The following DYNLT2B variants were observed in gnomAD, a reference collection of about 807,000 sequenced individuals.
DYNLT2B encodes the protein dynein light chain Tctex-type 2B.
Under a neutral mutation model 19.5 loss-of-function variants are expected in DYNLT2B, and 14 were observed. That is an observed-to-expected ratio of 0.72 (90% confidence interval 0.47 to 1.12). The LOEUF (loss-of-function observed/expected upper bound fraction) is 1.12, where lower values mean the gene tolerates loss of function less well. Ranked by LOEUF, DYNLT2B falls within the 50% of genes most tolerant of loss-of-function variation. The pLI is 0.00. For synonymous variants in DYNLT2B, 70 were observed against 59.7 expected, an observed-to-expected ratio of 1.17 and a Z score of -0.79; for missense variants, 133 against 174.7, an observed-to-expected ratio of 0.76 and a Z score of 1.35.
chr3:196,313,396 A>G (rs930102165), intron 2 of DYNLT2B, among the ~76,000 whole-genome samples: 3 of 152,002 alleles, frequency 2.0e-5, no homozygotes, highest in Non-Finnish European at 4.4e-5. Context: ...GGGTTTTGCC[A>G]TGTTGGCCAG....
At chr3:196,296,358 G>A (rs1726222775) in intron 3 of DYNLT2B, 2 of 260,722 alleles carry the variant, frequency 7.7e-6, no homozygotes, top group Non-Finnish European at 1.5e-5. Context: ...AGATTTGTGT[G>A]TGACTTTTAA....
intron 3 of DYNLT2B, among the ~76,000 whole-genome samples, chr3:196,304,255 C>A (rs1160363387): frequency 1.3e-5 from 2 of 152,028 alleles, no homozygotes; most frequent in African/African-American, 4.8e-5. Flanking sequence ...GCCTCAGCCT[C>A]CAAGTGGCTG....
In DYNLT2B at chr3:196,300,730, CAAAAAAAAAA is replaced by C. The variant is rs1171224774; in HGVS notation, c.318-4671_318-4662del. Among the ~76,000 whole-genome samples, 302 of 68,850 alleles carry C rather than the reference CAAAAAAAAAA, an allele frequency of 4.4e-3. 1 individual carries two copies. The highest frequency in any genetic ancestry group is 0.017 in the African/African-American group (281 of 16,914). 45.2% of individuals were successfully genotyped at this position (68,850 alleles called of 152,430 possible). On this transcript the variant is annotated intron_variant, in intron 3 of 4. Coordinates refer to ENST00000325318, the MANE Select transcript of DYNLT2B (RefSeq NM_152773.5). ...GGCAACAAGAATGAAACTCTGTCTC[CAAAAAAAAAA>C]AAAAAAAAAAAATAGAAACAAGGGT... is the stretch of plus-strand genomic sequence containing the variant.
intron 3 of DYNLT2B, among the ~76,000 whole-genome samples, chr3:196,304,074 C>T (rs925961209): frequency 7.9e-5 from 12 of 152,086 alleles, no homozygotes; most frequent in African/African-American, 1.2e-4. Context: ...GTGGAGTATA[C>T]GCTAACTCTG....
At chr3:196,300,339 A>T (rs1005512106) in intron 3 of DYNLT2B, among the ~76,000 whole-genome samples, 1 of 152,180 alleles carries the variant, frequency 6.6e-6, no homozygotes, top group African/African-American at 2.4e-5. Flanking sequence ...TGCTGAGGAG[A>T]CAAGATCTGA....
chr3:196,306,459 C>CACAT (rs1262510674), intron 3 of DYNLT2B, among the ~76,000 whole-genome samples: 7 of 151,404 alleles, frequency 4.6e-5, no homozygotes, highest in Admixed American at 2.0e-4. Flanking sequence ...AGAAAGAAAA[C>CACAT]ACATACATAC....
chr3:196,297,980 G>C (rs1440416488), intron 3 of DYNLT2B: 2 of 157,112 alleles, frequency 1.3e-5, no homozygotes, highest in South Asian at 1.8e-4. Flanking sequence ...TCAGACAGTG[G>C]TGACGTTTTC....
rs764201336 is a variant in DYNLT2B, at chr3:196,318,199, G to A, written c.-47C>T. On this transcript the variant is annotated 5_prime_UTR_variant, in exon 1 of 5. Transcript: ENST00000325318. ...CGTAGCTCGCGATGAAGGCCTAGCG[G>A]GTTGCGGTCGCGGCCGGCAGCAGGG... The A allele has an allele frequency of 4.2e-6, 5 of 1,198,738 alleles. No homozygotes were observed. In the South Asian group the frequency reaches 4.4e-5, roughly 11 times the overall value. 74.3% of individuals were successfully genotyped at this position (1,198,738 alleles called of 1,614,324 possible). A position where few individuals can be genotyped will look rare whatever the true frequency, so the allele number is the denominator to read the frequency against.
intron 2 of DYNLT2B, 162 bp downstream of exon 2, chr3:196,315,936 C>T: frequency 1.4e-6 from 1 of 696,166 alleles, no homozygotes; most frequent in Non-Finnish European, 2.3e-6. Context: ...AACTCCAGAG[C>T]TCAAGCAATC....
intron 4 of DYNLT2B, among the ~76,000 whole-genome samples, chr3:196,292,862 C>CT (rs1027891565): frequency 1.9e-4 from 28 of 151,222 alleles, no homozygotes; most frequent in East Asian, 1.8e-3. Context: ...AAATAAAGTG[C>CT]TTTTTTTTTG....
At chr3:196,293,780 G>A (rs754075181) in intron 4 of DYNLT2B, among the ~76,000 whole-genome samples, 30 of 150,228 alleles carry the variant, frequency 2.0e-4, no homozygotes, top group Non-Finnish European at 3.6e-4. Flanking sequence ...GAGTAGCTGG[G>A]ATTACAGGCA....
chr3:196,317,592 G>GCA (rs1726909616), intron 1 of DYNLT2B, among the ~76,000 whole-genome samples: 1 of 151,988 alleles, frequency 6.6e-6, no homozygotes, highest in South Asian at 2.1e-4. Context: ...TGGTCTAAGG[G>GCA]CCTCCAGATC....
chr3:196,306,984 C>G lies in DYNLT2B; in HGVS notation c.276G>C (p.Val92=). The G allele has an allele frequency of 6.2e-7, 1 of 1,614,018 alleles. No individual in the cohort carries two copies. Among genetic ancestry groups the G allele is most frequent in the Non-Finnish European group, 8.5e-7 (1 of 1,179,956 alleles). Residue 92 remains valine, a synonymous_variant, in exon 3 of 5, where the codon GTG becomes GTC. Transcript: ENST00000325318. The part of the protein sequence containing the change: ...KEMGFDRYKM[V]VQVVIGEQRG... ...TTTGTTCTCCAATCACTACTTGCAC[C>G]ACCATTTTGTATCGGTCAAATCCCA...
intron 4 of DYNLT2B, among the ~76,000 whole-genome samples, chr3:196,292,871 T>G (rs1726129735): frequency 6.6e-6 from 1 of 152,202 alleles, no homozygotes; most frequent in Non-Finnish European, 1.5e-5. Context: ...GCTTTTTTTT[T>G]GAGACAGAGT....
At chr3:196,302,289 C>T (rs1369351238) in intron 3 of DYNLT2B, among the ~76,000 whole-genome samples, 1 of 152,106 alleles carries the variant, frequency 6.6e-6, no homozygotes, top group Non-Finnish European at 1.5e-5. Context: ...TCTAGGGCCC[C>T]AAGCTTAGTT....
At chr3:196,312,157 G>C (rs925133926) in intron 2 of DYNLT2B, among the ~76,000 whole-genome samples, 2 of 152,170 alleles carry the variant, frequency 1.3e-5, no homozygotes, top group African/African-American at 4.8e-5. Flanking sequence ...TGGGATTACA[G>C]GCGTGAGCCA....
At chr3:196,310,828 T>C (rs979331615) in intron 2 of DYNLT2B, among the ~76,000 whole-genome samples, 1 of 152,074 alleles carries the variant, frequency 6.6e-6, no homozygotes, top group Non-Finnish European at 1.5e-5. Flanking sequence ...CTCCGCCTTC[T>C]GGGTTCAAGT....
chr3:196,306,590 C>G (rs1005732138), intron 3 of DYNLT2B, among the ~76,000 whole-genome samples: 5 of 151,764 alleles, frequency 3.3e-5, no homozygotes, highest in African/African-American at 1.2e-4. Flanking sequence ...ACTCTGTCAC[C>G]CAGGCTGGAG....
At chr3:196,295,314 C>T (rs924291287) in intron 4 of DYNLT2B, among the ~76,000 whole-genome samples, 2 of 152,168 alleles carry the variant, frequency 1.3e-5, no homozygotes, top group African/African-American at 2.4e-5. Flanking sequence ...GTGCCCGCCA[C>T]CATGCTCGGC....
Sources: allele counts gnomAD v4.1 joint callset (sites outside exome capture counted in the v4.1 genomes callset), GRCh38; gene constraint gnomAD v4.1.1; transcripts MANE v1.5; gene names NCBI Gene and HGNC (gene_info 2026-07-23, HGNC 2026-07-21).